The following GABRG3 variants were observed in gnomAD, a reference collection of about 807,000 sequenced individuals.
The protein encoded by GABRG3 is gamma-aminobutyric acid type A receptor subunit gamma3, also known as gamma-aminobutyric acid receptor subunit gamma-3.
A neutral mutation model predicts 48.8 loss-of-function variants in GABRG3; 25 were observed. The ratio of observed to expected loss-of-function variants is 0.51; its 90% CI spans 0.37 to 0.72. The LOEUF (loss-of-function observed/expected upper bound fraction) is 0.72. Among genes scored for constraint, GABRG3 ranks in the 30% least tolerant of loss-of-function variants. GABRG3 has a pLI of 0.00. For synonymous variants in GABRG3, 227 were observed against 217.6 expected, an observed-to-expected ratio of 1.04 and a Z score of -0.38; for missense variants, 394 against 577.9, an observed-to-expected ratio of 0.68 and a Z score of 3.26.
At chr15:27,124,726 T>C (rs1448829987) in intron 3 of GABRG3, among the ~76,000 whole-genome samples, 2 of 152,158 alleles carry the variant, frequency 1.3e-5, no homozygotes, top group Admixed American at 1.3e-4. Flanking sequence ...GCAACAGCTG[T>C]GGGTGCTTGA....
chr15:27,003,801 G>A (rs1194923805), intron 2 of GABRG3, among the ~76,000 whole-genome samples: 1 of 151,270 alleles, frequency 6.6e-6, no homozygotes, highest in Non-Finnish European at 1.5e-5. Flanking sequence ...AGGGGCGGCT[G>A]GGCAGAGGCG....
At chr15:27,054,559 T>C (rs959868360) in intron 3 of GABRG3, among the ~76,000 whole-genome samples, 3 of 152,192 alleles carry the variant, frequency 2.0e-5, no homozygotes, top group African/African-American at 4.8e-5. Context: ...AAGACTTGAC[T>C]GAGTGTTACA....
intron 3 of GABRG3, among the ~76,000 whole-genome samples, chr15:27,321,464 A>C (rs1893423050): frequency 6.6e-6 from 1 of 151,740 alleles, no homozygotes; most frequent in Non-Finnish European, 1.5e-5. Flanking sequence ...TGCAAGAAAC[A>C]AAAAAACATA....
chr15:27,028,451 G>T (rs996204502), intron 3 of GABRG3, among the ~76,000 whole-genome samples: 8 of 152,070 alleles, frequency 5.3e-5, no homozygotes, highest in Admixed American at 5.2e-4. Context: ...AGATCCCTGC[G>T]TTTGGAAACT....
At chr15:27,487,238 A>T (rs1446929509) in intron 6 of GABRG3, among the ~76,000 whole-genome samples, 2 of 152,224 alleles carry the variant, frequency 1.3e-5, no homozygotes, top group African/African-American at 4.8e-5. Context: ...TGTGATACAA[A>T]TCATATCTGA....
intron 3 of GABRG3, among the ~76,000 whole-genome samples, chr15:27,075,971 T>C (rs1270946523): frequency 6.6e-6 from 1 of 152,146 alleles, no homozygotes; most frequent in Non-Finnish European, 1.5e-5. Context: ...GTGCTGCTAG[T>C]GTTTGCGCAG....
intron 3 of GABRG3, among the ~76,000 whole-genome samples, chr15:27,273,838 T>C (rs72702084): frequency 8.9e-4 from 135 of 152,340 alleles, no homozygotes; most frequent in Non-Finnish European, 1.4e-3. Context: ...CATAATACAT[T>C]GCACCCAAAC....
At chr15:27,238,044 G>A (rs746353850) in intron 3 of GABRG3, among the ~76,000 whole-genome samples, 9 of 152,214 alleles carry the variant, frequency 5.9e-5, no homozygotes, top group Non-Finnish European at 8.8e-5. Flanking sequence ...TCCATTCAGC[G>A]TTTGGAAGCT....
intron 3 of GABRG3, among the ~76,000 whole-genome samples, chr15:27,100,568 A>C (rs534361414): frequency 6.6e-6 from 1 of 152,336 alleles, no homozygotes; most frequent in South Asian, 2.1e-4. Context: ...ACTTGCACGC[A>C]AAACTCCTCA....
chr15:27,101,405 A>G (rs545708643), intron 3 of GABRG3, among the ~76,000 whole-genome samples: 11 of 152,332 alleles, frequency 7.2e-5, no homozygotes, highest in African/African-American at 2.4e-4. Flanking sequence ...CTGCAGGTTT[A>G]ATGCAATTCC....
At chr15:27,055,016 T>TTGTTTGTTTGTTTTTTG (rs1192822750) in intron 3 of GABRG3, among the ~76,000 whole-genome samples, 27 of 151,816 alleles carry the variant, frequency 1.8e-4, no homozygotes, top group African/African-American at 6.1e-4. Context: ...GTTTTTTTTT[T>TTGTTTGTTTGTTTTTTG]TTTTTTTTTT....
chr15:27,004,519 A>C (rs1895543856), intron 2 of GABRG3, among the ~76,000 whole-genome samples: 1 of 151,786 alleles, frequency 6.6e-6, no homozygotes, highest in Admixed American at 6.6e-5. Flanking sequence ...GGTCAGGCAG[A>C]GACACTCCTC....
At position 27,352,622 on chromosome 15, in the gene GABRG3, G is replaced by C. The variant is rs549895028; in HGVS notation, c.574+23734G>C. Among the ~76,000 whole-genome samples the C allele has an allele frequency of 6.6e-6, 1 of 152,066 alleles. No individual in the cohort carries two copies. The highest frequency in any genetic ancestry group is 1.9e-4 in the East Asian group (1 of 5,182). On this transcript the variant is annotated intron_variant, in intron 5 of 9. Transcript: ENST00000615808. This position sits in a 1 kb window ranked among gnomAD's most constrained non-coding sequence, Gnocchi z 4.0. ...CGCTCACACCACCCCACACTGCCCCGGGGAGGCAGGCCAAGGAAGCCCCCT... is the reference window on the plus strand; with the variant it reads ...CGCTCACACCACCCCACACTGCCCCCGGGAGGCAGGCCAAGGAAGCCCCCT...
chr15:27,130,528 T>C (rs1897898570), intron 3 of GABRG3, among the ~76,000 whole-genome samples: 1 of 152,234 alleles, frequency 6.6e-6, no homozygotes, highest in African/African-American at 2.4e-5. Flanking sequence ...ATTTGGAGTC[T>C]TTTGAATTTC....
At chr15:27,195,937 C>T (rs528064928) in intron 3 of GABRG3, among the ~76,000 whole-genome samples, 21 of 152,242 alleles carry the variant, frequency 1.4e-4, no homozygotes, top group African/African-American at 3.4e-4. Context: ...ACCCAGCCAC[C>T]GCACCCAGCC....
intron 3 of GABRG3, among the ~76,000 whole-genome samples, chr15:27,082,047 C>G (rs1327291553): frequency 6.6e-6 from 1 of 152,160 alleles, no homozygotes; most frequent in Non-Finnish European, 1.5e-5. Flanking sequence ...ACAGTCACAT[C>G]ACATTACAAA....
intron 3 of GABRG3, among the ~76,000 whole-genome samples, chr15:27,221,709 TTAA>T (rs1889460099): frequency 6.6e-6 from 1 of 152,196 alleles, no homozygotes; most frequent in Non-Finnish European, 1.5e-5. Flanking sequence ...TAAATGGCCC[TTAA>T]TAATTTCTCC....
intron 5 of GABRG3, among the ~76,000 whole-genome samples, chr15:27,339,916 C>T (rs1006321222): frequency 3.3e-5 from 5 of 152,120 alleles, no homozygotes; most frequent in Non-Finnish European, 5.9e-5. Flanking sequence ...CTGGAGGCAT[C>T]GTGCCCCTTC....
intron 5 of GABRG3, among the ~76,000 whole-genome samples, chr15:27,411,846 C>G (rs533735382): frequency 4.6e-5 from 7 of 152,084 alleles, no homozygotes; most frequent in Non-Finnish European, 1.5e-5. Flanking sequence ...TGGCTACACC[C>G]AGTGCATTAT....
Sources: allele counts gnomAD v4.1 joint callset (sites outside exome capture counted in the v4.1 genomes callset), GRCh38; gene constraint gnomAD v4.1.1; non-coding constraint Gnocchi (gnomAD v3.1); transcripts MANE v1.5; gene names NCBI Gene and HGNC (gene_info 2026-07-23, HGNC 2026-07-21).